Variants in MYH10 observed in about 807,000 individuals in gnomAD.
MYH10 encodes the protein myosin heavy chain 10, also known as myosin-10.
MYH10 carries 55 observed loss-of-function variants against 257.8 expected under a neutral mutation model. That is an observed-to-expected ratio of 0.21 (90% CI 0.17 to 0.27). MYH10 has a LOEUF of 0.27. MYH10 is among the 10% of genes least tolerant of loss of function. The pLI is 1.00. For missense variants in MYH10, 1,631 were observed against 2,500.6 expected (o/e 0.65, Z 7.42); for synonymous variants, 854 against 921.7 (o/e 0.93, Z 1.33).
chr17:8,487,201 C>T (rs1187361435), intron 36 of MYH10, among the ~76,000 whole-genome samples: 1 of 152,252 alleles, frequency 6.6e-6, no homozygotes, highest in African/African-American at 2.4e-5. Flanking sequence ...CACAGGCTCT[C>T]AGGGCCACAG....
intron 37 of MYH10, among the ~76,000 whole-genome samples, chr17:8,483,634 C>T (rs1914246827): frequency 6.6e-6 from 1 of 152,218 alleles, no homozygotes; most frequent in Non-Finnish European, 1.5e-5. Context: ...GTGCCTTGCA[C>T]TGTTACAGTT....
At position 8,506,738 on chromosome 17, in the gene MYH10, T is replaced by C. The variant is rs1458561578; in HGVS notation, c.3215-249A>G. ...AGTTGAGTGTCCTAAGAATGTCCTT[T>C]CATGGGAGGTGAGACCACACTGTGA... On this transcript the variant is annotated intron_variant, in intron 26 of 42. Coordinates refer to ENST00000360416, the MANE Select transcript of MYH10 (RefSeq NM_001256012.3). The surrounding 1 kb of genome is among the most constrained non-coding windows in gnomAD (Gnocchi z 5.0). Among the ~76,000 whole-genome samples the C allele has an allele frequency of 6.6e-6, 1 of 151,964 alleles. No individual in the cohort carries two copies. The highest frequency in any genetic ancestry group is 1.5e-5 in the Non-Finnish European group (1 of 68,002).
At chr17:8,543,614 C>A (rs1007039779) in intron 13 of MYH10, among the ~76,000 whole-genome samples, 14 of 151,754 alleles carry the variant, frequency 9.2e-5, no homozygotes, top group African/African-American at 2.7e-4. Flanking sequence ...GCTGAGATTA[C>A]AGGCATCTGC....
chr17:8,511,017 T>C (rs1478506718), intron 24 of MYH10: 11 of 3,218 alleles, frequency 3.4e-3, no homozygotes, highest in Non-Finnish European at 0.028. Flanking sequence ...ATGTACCCCA[T>C]ATATATATAT....
Position 8,535,983 on chromosome 17 carries a change from C to T in MYH10, c.1606-52G>A. The T allele has an allele frequency of 6.6e-7, 1 of 1,517,400 alleles. No individual in the cohort carries two copies. Among genetic ancestry groups the T allele is most frequent in the Non-Finnish European group, 9.0e-7 (1 of 1,107,210 alleles). 94.0% of individuals were successfully genotyped at this position (1,517,400 alleles called of 1,614,324 possible). A position where few individuals can be genotyped will look rare whatever the true frequency, so the allele number is the denominator to read the frequency against. ...ACAAGTTTTGCATGCCACTTTAATA[C>T]TACTGAGTCTGGCACTTAAACTTCT... On this transcript the variant is annotated intron_variant, in intron 14 of 42. Transcript: ENST00000360416. The surrounding 1 kb of genome is among the most constrained non-coding windows in gnomAD (Gnocchi z 4.3).
At chr17:8,511,854 ACAT>A (rs1597699935) in intron 24 of MYH10, among the ~76,000 whole-genome samples, 1 of 152,340 alleles carries the variant, frequency 6.6e-6, no homozygotes, top group East Asian at 1.9e-4. Context: ...CAAATCCCAG[ACAT>A]CATATTTCAC....
intron 2 of MYH10, among the ~76,000 whole-genome samples, chr17:8,612,511 T>C (rs1014583669): frequency 2.5e-4 from 38 of 152,174 alleles, no homozygotes; most frequent in African/African-American, 8.7e-4. Context: ...ATTTTAATAG[T>C]TATTGTTGTT....
intron 4 of MYH10, among the ~76,000 whole-genome samples, chr17:8,584,270 G>A (rs989013865): frequency 1.3e-5 from 2 of 152,190 alleles, no homozygotes; most frequent in Non-Finnish European, 2.9e-5. Context: ...TGTAAATTAA[G>A]AAGTATATCC....
intron 24 of MYH10, among the ~76,000 whole-genome samples, chr17:8,511,501 CA>C (rs2081295196): frequency 6.6e-6 from 1 of 152,142 alleles, no homozygotes; most frequent in Non-Finnish European, 1.5e-5. Flanking sequence ...GCCTGGGCAA[CA>C]AAGCGAGACT....
intron 6 of MYH10, among the ~76,000 whole-genome samples, chr17:8,575,268 CAAT>C (rs10573578): frequency 0.38 from 57,919 of 151,872 alleles, 10,973 homozygotes; most frequent in East Asian, 0.49. Flanking sequence ...ATGTTAACAA[CAAT>C]GATTTATGTG....
chr17:8,509,401 C>T (rs892525024), intron 25 of MYH10, among the ~76,000 whole-genome samples: 4 of 152,168 alleles, frequency 2.6e-5, no homozygotes, highest in Admixed American at 6.5e-5. Context: ...GTGTCCTCAT[C>T]GTTAAACAAC....
Position 8,506,025 on chromosome 17 carries a change from C to T in MYH10, c.3386+293G>A. The T allele has an allele frequency of 3.2e-6, 1 of 312,962 alleles. No individual in the cohort carries two copies. Among genetic ancestry groups the T allele is most frequent in the Non-Finnish European group, 5.7e-6 (1 of 175,344 alleles). 19.4% of individuals were successfully genotyped at this position (312,962 alleles called of 1,614,324 possible). A position where few individuals can be genotyped will look rare whatever the true frequency, so the allele number is the denominator to read the frequency against. The stretch of plus-strand genomic sequence containing the variant: ...CATACTACAGTTAATCTGTAATGTA[C>T]AGAGACCAAAACATTTGTTATAGTG... On this transcript the variant is annotated intron_variant, in intron 27 of 42. Coordinates refer to ENST00000360416, the MANE Select transcript of MYH10 (RefSeq NM_001256012.3). This position sits in a 1 kb window ranked among gnomAD's most constrained non-coding sequence, Gnocchi z 5.0.
rs374508112 is a variant in MYH10, at chr17:8,548,836, A to T, written c.920-49T>A. 1.3e-4 allele frequency: 200 copies of T among 1,513,546 alleles called. 1 individual carries two copies. Among genetic ancestry groups the T allele is most frequent in the Non-Finnish European group, 1.1e-4 (119 of 1,093,680 alleles). The allele number at this position is 1,513,546 out of a possible 1,614,324, so 93.8% of individuals were successfully genotyped here. On this transcript the variant is annotated intron_variant, in intron 9 of 42. Transcript: ENST00000360416. ...AAATTTGATAAATACTCATGAAGAC[A>T]ACTAAGCCATAACTGCATTCAAACT...
At position 8,484,127 on chromosome 17, in the gene MYH10, A is replaced by G; in HGVS notation, c.5175+11T>C. 1.9e-6 allele frequency: 3 copies of G among 1,580,150 alleles called. No individual in the cohort carries two copies. Among genetic ancestry groups the G allele is most frequent in the Non-Finnish European group, 2.6e-6 (3 of 1,169,330 alleles). On this transcript the variant is annotated intron_variant, in intron 37 of 42. Transcript: ENST00000360416. The stretch of plus-strand genomic sequence containing the variant: ...ATATTTGTTGAACAAATGGATAAGT[A>G]ACAAACCAACCTCCTGCAATTGAAG...
Position 8,493,883 on chromosome 17 carries a change from C to A in MYH10, c.4059G>T (p.Glu1353Asp). ...SLESQLQDTQELLQEETRQKL... is the reference protein window; with the variant it reads ...SLESQLQDTQDLLQEETRQKL... Reference sequence around the variant, plus strand: ...TCTGGCGTGTCTCCTCCTGAAGAAGCTCCTGTGTTTTTTTTTTAAAGGGCA... The same window carrying A: ...TCTGGCGTGTCTCCTCCTGAAGAAGATCCTGTGTTTTTTTTTTAAAGGGCA... Residue 1353 changes from glutamate to aspartate, a missense_variant and splice_region_variant, in exon 32 of 43, where the codon GAG becomes GAT. Glu to Asp is a conservative substitution (Grantham distance 45). Around this residue, in one of 11 missense-constraint regions of MYH10, gnomAD observed 463 missense variants for 621.8 expected, o/e 0.74. Transcript: ENST00000360416. 6.3e-7 allele frequency: 1 copy of A among 1,592,620 alleles called. No homozygotes were observed. Among genetic ancestry groups the A allele is most frequent in the Non-Finnish European group, 8.5e-7 (1 of 1,173,754 alleles).
At chr17:8,498,787 G>A (rs1238491191) in intron 30 of MYH10, among the ~76,000 whole-genome samples, 4 of 152,078 alleles carry the variant, frequency 2.6e-5, no homozygotes, top group African/African-American at 9.7e-5. Context: ...GACAGAGGGT[G>A]CAGTGAGCAG....
chr17:8,526,656 G>A (rs8079836), intron 17 of MYH10, among the ~76,000 whole-genome samples: 61,357 of 151,984 alleles, frequency 0.4, 12,439 homozygotes, highest in East Asian at 0.5. Context: ...GCAACGTGTC[G>A]TCTATCTCAT....
At chr17:8,624,155 C>A (rs1465786475) in intron 1 of MYH10, among the ~76,000 whole-genome samples, 1 of 152,188 alleles carries the variant, frequency 6.6e-6, no homozygotes, top group East Asian at 1.9e-4. Flanking sequence ...GTGACATTTA[C>A]AATTAATGTA....
chr17:8,481,073 CCCCCCTGCGGTGTGCAGGG>C, intron 38 of MYH10, among the ~76,000 whole-genome samples: 1 of 69,010 alleles, frequency 1.4e-5, no homozygotes, highest in Non-Finnish European at 3.3e-5. Context: ...CCCCACGGCT[CCCCCCTGCGGTGTGCAGGG>C]CTCAGCAGGA....
Sources: gnomAD v4.1 joint callset for allele counts (sites outside exome capture counted in the v4.1 genomes callset) on GRCh38, gnomAD v4.1.1 for gene constraint, gnomAD v4.1.1 regional missense constraint, Gnocchi (gnomAD v3.1) non-coding constraint, MANE v1.5 for transcripts, NCBI Gene and HGNC (gene_info 2026-07-23, HGNC 2026-07-21) for gene names.